Variants in CCDC7 observed in about 807,000 individuals in gnomAD.
The protein encoded by CCDC7 is coiled-coil domain containing 7, also known as coiled-coil domain-containing protein 7.
A neutral mutation model predicts 196.9 loss-of-function variants in CCDC7; 183 were observed. The observed-to-expected ratio is 0.93, with a 90% confidence interval of 0.82 to 1.05. The LOEUF (loss-of-function observed/expected upper bound fraction) is 1.05. CCDC7 is among the 50% of genes least tolerant of loss of function. The probability of loss-of-function intolerance (pLI) is 0.00; values close to 1 mark genes in which losing one functional copy is unlikely to be tolerated. For synonymous variants in CCDC7, 525 were observed against 484.6 expected, an observed-to-expected ratio of 1.08 and a Z score of -1.10; for missense variants, 1,540 against 1,482.2, an observed-to-expected ratio of 1.04 and a Z score of -0.64.
intron 18 of CCDC7, among the ~76,000 whole-genome samples, chr10:32,621,815 G>T (rs972809735): frequency 6.6e-6 from 1 of 152,150 alleles, no homozygotes; most frequent in African/African-American, 2.4e-5. Context: ...GGCCCTAAGT[G>T]ATTTGGATGA....
chr10:32,511,271 G>GGGGGT, intron 9 of CCDC7: 2 of 671,664 alleles, frequency 3.0e-6, no homozygotes, highest in Non-Finnish European at 2.3e-6. Flanking sequence ...CGGGGGGGGC[G>GGGGGT]GGGAAATGTA....
Position 32,779,094 on chromosome 10 carries a change from G to T in CCDC7, c.3013+10G>T. 6.6e-7 allele frequency: 1 copy of T among 1,516,738 alleles called. No homozygotes were observed. The highest frequency in any genetic ancestry group is 1.2e-5 in the South Asian group (1 of 83,142). 94.0% of individuals were successfully genotyped at this position (1,516,738 alleles called of 1,614,324 possible). On this transcript the variant is annotated intron_variant, in intron 29 of 41. Coordinates refer to ENST00000639629, the Ensembl canonical transcript of CCDC7. ...TTAAACAAAGTGGTCGGTAAGTATAGATTTATGTTTGGATACAGTAGAACA... is the reference window on the plus strand; with the variant it reads ...TTAAACAAAGTGGTCGGTAAGTATATATTTATGTTTGGATACAGTAGAACA...
chr10:32,676,189 A>AAGCTGAAAC lies in CCDC7; in HGVS notation c.2123-9781_2123-9780insAGCTGAAAC, dbSNP rs765959005. ...GGAAAACTGGCTAGCCATATGTAGA[A>AAGCTGAAAC]TCCCTTCCTTACACCTTATACAAAA... On this transcript the variant is annotated intron_variant, in intron 21 of 41. Transcript: ENST00000639629. Among the ~76,000 whole-genome samples the AAGCTGAAAC allele has an allele frequency of 6.0e-4, 26 of 43,014 alleles. 1 individual carries two copies. Among genetic ancestry groups the AAGCTGAAAC allele is most frequent in the South Asian group, 1.0e-3 (1 of 986 alleles). 28.2% of individuals were successfully genotyped at this position (43,014 alleles called of 152,430 possible).
intron 41 of CCDC7, among the ~76,000 whole-genome samples, chr10:32,858,565 C>A (rs971466001): frequency 5.3e-5 from 8 of 152,122 alleles, no homozygotes; most frequent in Non-Finnish European, 1.2e-4. Flanking sequence ...ACAGCATAAT[C>A]TCAGATGATC....
chr10:32,696,481 G>T (rs1456538030), intron 24 of CCDC7, among the ~76,000 whole-genome samples: 2 of 145,760 alleles, frequency 1.4e-5, no homozygotes, highest in African/African-American at 5.0e-5. Context: ...CTTGTTTTCT[G>T]TTTTTTTTTT....
chr10:32,450,160 C>T (rs1157923387), upstream of CCDC7, among the ~76,000 whole-genome samples: 1 of 152,156 alleles, frequency 6.6e-6, no homozygotes, highest in Admixed American at 6.5e-5. Context: ...TCAGCAAAAC[C>T]ATGTTCCCTG....
intron 9 of CCDC7, among the ~76,000 whole-genome samples, chr10:32,499,783 A>G (rs2043593407): frequency 6.6e-6 from 1 of 151,940 alleles, no homozygotes; most frequent in Non-Finnish European, 1.5e-5. Context: ...TGGGTACTTG[A>G]GATTAGGGAG....
At chr10:32,657,155 T>C (rs1281752959) in intron 20 of CCDC7, among the ~76,000 whole-genome samples, 1 of 152,230 alleles carries the variant, frequency 6.6e-6, no homozygotes, top group South Asian at 2.1e-4. Flanking sequence ...ACAGCTGGCC[T>C]TGAGTGTCTC....
upstream of CCDC7, among the ~76,000 whole-genome samples, chr10:32,449,448 A>C (rs2032398521): frequency 1.3e-5 from 2 of 152,156 alleles, no homozygotes; most frequent in Non-Finnish European, 2.9e-5. Flanking sequence ...TGCCTCCCAA[A>C]GTACTGGGAT....
At chr10:32,511,249 T>C (rs950098452) in intron 9 of CCDC7, 8 of 676,756 alleles carry the variant, frequency 1.2e-5, no homozygotes, top group Admixed American at 3.0e-5. Flanking sequence ...CACAGAATTA[T>C]TCTGTGGGGG....
chr10:32,837,638 C>T (rs185282126), intron 33 of CCDC7, among the ~76,000 whole-genome samples: 2,691 of 152,026 alleles, frequency 0.018, 50 homozygotes, highest in South Asian at 0.039. Flanking sequence ...ATGTTTATTG[C>T]GGCACTATTC....
intron 29 of CCDC7, among the ~76,000 whole-genome samples, chr10:32,804,569 G>T (rs1382678094): frequency 6.6e-6 from 1 of 152,026 alleles, no homozygotes; most frequent in South Asian, 2.1e-4. Context: ...GAAGATCATT[G>T]TTTTCAAGTT....
At chr10:32,555,950 G>A (rs2054275249) in intron 13 of CCDC7, among the ~76,000 whole-genome samples, 1 of 152,088 alleles carries the variant, frequency 6.6e-6, no homozygotes, top group South Asian at 2.1e-4. Flanking sequence ...GATAGCTCTG[G>A]GTAGTTTAAA....
intron 33 of CCDC7, among the ~76,000 whole-genome samples, chr10:32,836,130 T>C (rs2092583745): frequency 6.6e-6 from 1 of 152,054 alleles, no homozygotes; most frequent in African/African-American, 2.4e-5. Context: ...CCTTGATCTT[T>C]GGTGAGATAC....
chr10:32,485,055 A>G (rs538637306), intron 8 of CCDC7, among the ~76,000 whole-genome samples: 2 of 152,352 alleles, frequency 1.3e-5, no homozygotes, highest in East Asian at 3.9e-4. Context: ...ATTGATTGGA[A>G]TAGTTTCAGA....
chr10:32,801,447 C>A (rs993447415), intron 29 of CCDC7, among the ~76,000 whole-genome samples: 2 of 152,202 alleles, frequency 1.3e-5, no homozygotes, highest in African/African-American at 2.4e-5. Context: ...TGCAGAATCC[C>A]TGCTTAGTGG....
At chr10:32,828,983 A>G (rs1361936933) in intron 32 of CCDC7, among the ~76,000 whole-genome samples, 2 of 152,194 alleles carry the variant, frequency 1.3e-5, no homozygotes, top group African/African-American at 4.8e-5. Flanking sequence ...AGAGTGCCAC[A>G]TGGACACTTT....
At chr10:32,739,932 A>T (rs952888589) in intron 28 of CCDC7, among the ~76,000 whole-genome samples, 1 of 151,980 alleles carries the variant, frequency 6.6e-6, no homozygotes, top group Non-Finnish European at 1.5e-5. Context: ...TTTAGCTGTA[A>T]TCTGCTATTA....
At chr10:32,583,368 T>C (rs1300883334) in intron 17 of CCDC7, 61 bp downstream of exon 18, 6 of 1,087,390 alleles carry the variant, frequency 5.5e-6, no homozygotes, top group Non-Finnish European at 7.0e-6. Flanking sequence ...AATAAATAAA[T>C]GCTAACCCAT....
Sources: allele counts gnomAD v4.1 joint callset (sites outside exome capture counted in the v4.1 genomes callset), GRCh38; gene constraint gnomAD v4.1.1; transcripts MANE v1.5; gene names NCBI Gene and HGNC (gene_info 2026-07-23, HGNC 2026-07-21).